FAIM: variants seen among roughly 807,000 people sequenced by gnomAD.
FAIM encodes Fas apoptotic inhibitory molecule.
FAIM carries 14 observed loss-of-function variants against 21.2 expected under a neutral mutation model. The observed-to-expected ratio is 0.66, with a 90% CI of 0.44 to 1.03. FAIM has a LOEUF of 1.03. Among genes scored for constraint, FAIM ranks in the 50% least tolerant of loss-of-function variants. The pLI, the probability that FAIM is intolerant of heterozygous loss-of-function variation, is 0.00. For synonymous variants in FAIM, 86 were observed against 80.4 expected (o/e 1.07, Z -0.37); for missense variants, 222 against 247.1 (o/e 0.90, Z 0.68).
intron 1 of FAIM, among the ~76,000 whole-genome samples, chr3:138,614,798 G>A (rs370437271): frequency 3.9e-5 from 6 of 151,920 alleles, no homozygotes; most frequent in African/African-American, 7.3e-5. Flanking sequence ...AAAATGAGCC[G>A]GGTGTGGTGG....
At chr3:138,609,473 T>G (rs1352994876) in intron 1 of FAIM, among the ~76,000 whole-genome samples, 4 of 147,304 alleles carry the variant, frequency 2.7e-5, no homozygotes, top group African/African-American at 1.0e-4. Context: ...TTCCAGATGG[T>G]TTTTCCTTGT....
chr3:138,623,275 T>A (rs1229646482), intron 4 of FAIM, among the ~76,000 whole-genome samples: 2 of 152,320 alleles, frequency 1.3e-5, no homozygotes, highest in Admixed American at 1.3e-4. Context: ...TCTTTTCTTA[T>A]GGGAAGCAGA....
intron 1 of FAIM, among the ~76,000 whole-genome samples, chr3:138,610,035 CG>C (rs2042750943): frequency 6.6e-6 from 1 of 152,132 alleles, no homozygotes; most frequent in South Asian, 2.1e-4. Context: ...CATAAGGGGC[CG>C]GCCCGGAGAT....
At chr3:138,609,631 C>G (rs1293939250) in intron 1 of FAIM, among the ~76,000 whole-genome samples, 1 of 144,720 alleles carries the variant, frequency 6.9e-6, no homozygotes, top group Non-Finnish European at 1.5e-5. Flanking sequence ...CTCTCTCTCT[C>G]TCTCTCTCTC....
intron 2 of FAIM, chr3:138,621,200 C>A: frequency 1.8e-6 from 1 of 551,720 alleles, no homozygotes; most frequent in Non-Finnish European, 3.2e-6. Context: ...GGACTATGTA[C>A]CCATATATAG....
At chr3:138,609,418 G>C (rs2108326989) in intron 1 of FAIM, among the ~76,000 whole-genome samples, 1 of 152,156 alleles carries the variant, frequency 6.6e-6, no homozygotes. Flanking sequence ...CAGCCGTGCC[G>C]CTGCTCCCCA....
In FAIM at chr3:138,619,753, C is replaced by T. The variant is rs1188961051; in HGVS notation, c.27C>T (p.Ile9=). Reference sequence around the variant, plus strand: ...TGGCATCTGGAGATGACAGTCCTATCTTTGAAGATGATGAAAGGTAAATGT... The same window carrying T: ...TGGCATCTGGAGATGACAGTCCTATTTTTGAAGATGATGAAAGGTAAATGT... The part of the protein sequence containing the change: MASGDDSP[I]FEDDESPPYS... Residue 9 remains isoleucine, a synonymous_variant, in exon 2 of 6, where the codon ATC becomes ATT. Transcript: ENST00000360570. The T allele has an allele frequency of 3.1e-6, 5 of 1,613,540 alleles. No individual in the cohort carries two copies. In the African/African-American group the frequency reaches 6.7e-5, roughly 22 times the overall value.
intron 1 of FAIM, among the ~76,000 whole-genome samples, chr3:138,616,974 A>G (rs1411818471): frequency 6.6e-6 from 1 of 152,170 alleles, no homozygotes; most frequent in Non-Finnish European, 1.5e-5. Context: ...TGTCATGTAC[A>G]CTTTTAATTA....
chr3:138,629,194 C>T, intron 5 of FAIM, 38 bp downstream of exon 5: 1 of 1,496,824 alleles, frequency 6.7e-7, no homozygotes, highest in Non-Finnish European at 9.2e-7. Context: ...TGCCATGTGT[C>T]TCAGTTACCA....
At chr3:138,632,811 C>T (rs2043019583) in intron 5 of FAIM, 119 bp from the exon 6 acceptor site, 1 of 1,003,962 alleles carries the variant, frequency 1.0e-6, no homozygotes. Flanking sequence ...TTTTTCAAAG[C>T]TTATTGTTTA....
chr3:138,609,586 T>C (rs1162885426), intron 1 of FAIM, among the ~76,000 whole-genome samples: 148 of 28,056 alleles, frequency 5.3e-3, no homozygotes, highest in East Asian at 0.015. Flanking sequence ...CGACTCTCTC[T>C]CTCTCGACTC....
At chr3:138,612,999 G>A (rs923924615) in intron 1 of FAIM, among the ~76,000 whole-genome samples, 52 of 145,514 alleles carry the variant, frequency 3.6e-4, no homozygotes, top group Non-Finnish European at 6.7e-4. Context: ...AATGTCTGTG[G>A]AAGTCCTTTG....
At position 138,618,050 on chromosome 3, in the gene FAIM, C is replaced by T. The variant is rs78401119; in HGVS notation, c.-16-1661C>T. Among the ~76,000 whole-genome samples, 413 of 151,026 alleles carry T rather than the reference C, an allele frequency of 2.7e-3. 1 individual carries two copies. Among genetic ancestry groups the T allele is most frequent in the African/African-American group, 9.7e-3 (399 of 41,308 alleles). On this transcript the variant is annotated intron_variant, in intron 1 of 5. Coordinates refer to ENST00000360570, the MANE Select transcript of FAIM (RefSeq NM_001033031.2). ...AGTGCGGTGGCATGATCACTGCAGC[C>T]ACTCACTGCAGCTTCTAACTCCTAG...
In FAIM at chr3:138,611,099, A is replaced by C. The variant is rs1271563939; in HGVS notation, c.-17+2162A>C. 1.3e-5 allele frequency: 16 copies of C among 1,213,906 alleles called. No individual in the cohort carries two copies. The Admixed American group carries it at 2.8e-4, about 22-fold the overall frequency. 75.2% of individuals were successfully genotyped at this position (1,213,906 alleles called of 1,614,324 possible). The stretch of plus-strand genomic sequence containing the variant: ...CAATAACTATTGGTATGCTGGATGA[A>C]CTTAGAATATGACATGTGTTTATTA... On this transcript the variant is annotated intron_variant, in intron 1 of 5. Transcript: ENST00000360570.
intron 1 of FAIM, among the ~76,000 whole-genome samples, chr3:138,611,571 C>A (rs2042769441): frequency 6.6e-6 from 1 of 152,142 alleles, no homozygotes; most frequent in South Asian, 2.1e-4. Context: ...TTTGTACTTA[C>A]CAAATCTCAT....
At chr3:138,609,223 G>C (rs1342667732) in intron 1 of FAIM, 1 of 151,910 alleles carries the variant, frequency 6.6e-6, no homozygotes, top group Admixed American at 6.5e-5. Context: ...GCTCACCGCC[G>C]GCAAAGGTGG....
At chr3:138,626,937 G>A (rs1184609951) in intron 4 of FAIM, among the ~76,000 whole-genome samples, 1 of 152,096 alleles carries the variant, frequency 6.6e-6, no homozygotes, top group African/African-American at 2.4e-5. Flanking sequence ...TCATAAGTGA[G>A]GTTGAGCATC....
chr3:138,610,016 C>G (rs115210502), intron 1 of FAIM, among the ~76,000 whole-genome samples: 1,796 of 152,202 alleles, frequency 0.012, 42 homozygotes, highest in African/African-American at 0.041. Flanking sequence ...CTGGAGACCC[C>G]CCTCACTTCA....
In FAIM at chr3:138,621,423, G is replaced by GA. The variant is rs747045718; in HGVS notation, c.67dup (p.Met23AsnfsTer14). The GA allele has an allele frequency of 8.1e-6, 13 of 1,613,676 alleles. No homozygotes were observed. Among genetic ancestry groups the GA allele is most frequent in the African/African-American group, 6.7e-5 (5 of 74,866 alleles). On this transcript the variant is annotated frameshift_variant, in exon 3 of 6. Coordinates refer to ENST00000360570, the MANE Select transcript of FAIM (RefSeq NM_001033031.2). LOFTEE classifies it high-confidence loss of function. Reference sequence around the variant, plus strand: ...TTCCTTTAGCCCTCCTTACAGCCTAGAAAAAATGACAGATCTCGTAGCTGT... The same window carrying GA: ...TTCCTTTAGCCCTCCTTACAGCCTAGAAAAAAATGACAGATCTCGTAGCTGT...
Sources: allele counts gnomAD v4.1 joint callset (sites outside exome capture counted in the v4.1 genomes callset), GRCh38; gene constraint gnomAD v4.1.1; transcripts MANE v1.5; gene names NCBI Gene and HGNC (gene_info 2026-07-23, HGNC 2026-07-21).